The following PCNX2 variants were observed in gnomAD, a reference collection of about 807,000 sequenced individuals.
PCNX2 encodes the protein pecanex 2, also known as pecanex-like protein 2.
Under a neutral mutation model 223.8 loss-of-function variants are expected in PCNX2, and 168 were observed. That is an observed-to-expected ratio of 0.75 (90% CI 0.66 to 0.85). PCNX2 has a LOEUF of 0.85. Among genes scored for constraint, PCNX2 ranks in the 40% least tolerant of loss-of-function variants. The pLI is 0.00. For synonymous variants in PCNX2, 1,006 were observed against 1,052.6 expected (o/e 0.96, Z 0.86); for missense variants, 2,507 against 2,675.5 (o/e 0.94, Z 1.39).
At chr1:233,308,285 C>T in the PCNX2 span, among the ~76,000 whole-genome samples, 5 of 151,982 alleles carry the variant, frequency 3.3e-5, no homozygotes, top group Admixed American at 1.3e-4. Context: ...GACAAAATCC[C>T]GTCTCTTCTA....
At chr1:233,311,266 A>G in the PCNX2 span, among the ~76,000 whole-genome samples, 2 of 152,260 alleles carry the variant, frequency 1.3e-5, no homozygotes, top group South Asian at 4.1e-4. Flanking sequence ...TAAAAGAGCC[A>G]ACATTGCCTG....
chr1:233,099,456 A>G (rs1217029507), intron 21 of PCNX2, among the ~76,000 whole-genome samples: 4 of 152,172 alleles, frequency 2.6e-5, no homozygotes, highest in Non-Finnish European at 4.4e-5. Context: ...AAAATATGAT[A>G]CTACCCAAAA....
At chr1:233,142,714 A>T (rs952680953) in intron 19 of PCNX2, among the ~76,000 whole-genome samples, 2 of 152,086 alleles carry the variant, frequency 1.3e-5, no homozygotes, top group African/African-American at 4.8e-5. Flanking sequence ...CCTGACATGC[A>T]TGTGGCAGGA....
intron 19 of PCNX2, among the ~76,000 whole-genome samples, chr1:233,155,411 A>G (rs1334397017): frequency 6.6e-6 from 1 of 152,212 alleles, no homozygotes; most frequent in Non-Finnish European, 1.5e-5. Context: ...AGTCATTCCT[A>G]CGTCACTGGT....
chr1:233,275,178 T>C (rs1660844650), intron 1 of PCNX2, among the ~76,000 whole-genome samples: 1 of 152,200 alleles, frequency 6.6e-6, no homozygotes, highest in Non-Finnish European at 1.5e-5. Context: ...CTGAGACCAC[T>C]AGGATTAATG....
chr1:233,322,382 G>A, the PCNX2 span, among the ~76,000 whole-genome samples: 29 of 152,170 alleles, frequency 1.9e-4, no homozygotes, highest in South Asian at 1.7e-3. Context: ...AGATTTGGGG[G>A]GTTAAAAATA....
intron 12 of PCNX2, among the ~76,000 whole-genome samples, chr1:233,215,511 A>G (rs1041317166): frequency 6.6e-5 from 10 of 152,256 alleles, no homozygotes; most frequent in African/African-American, 2.2e-4. Flanking sequence ...GAGCAGTGGC[A>G]TACGGGCCAT....
At chr1:233,102,368 C>T (rs1179603107) in intron 21 of PCNX2, among the ~76,000 whole-genome samples, 1 of 151,966 alleles carries the variant, frequency 6.6e-6, no homozygotes, top group African/African-American at 2.4e-5. Context: ...TTTAATATGG[C>T]GATTTCTTTT....
At position 233,237,091 on chromosome 1, in the gene PCNX2, G is replaced by C. The variant is rs963023359; in HGVS notation, c.2223-111C>G. The C allele has an allele frequency of 4.4e-6, 6 of 1,362,692 alleles. No homozygotes were observed. The African/African-American group carries it at 7.2e-5, about 16-fold the overall frequency. The allele number at this position is 1,362,692 out of a possible 1,614,324, so 84.4% of individuals were successfully genotyped here. ...AATGCCCAAAGCAGGTAGTGGATGAGACTTTACAACCTTACATAAACAGTT... is the reference window on the plus strand; with the variant it reads ...AATGCCCAAAGCAGGTAGTGGATGACACTTTACAACCTTACATAAACAGTT... On this transcript the variant is annotated intron_variant, in intron 8 of 33. Transcript: ENST00000258229.
chr1:233,050,081 C>T (rs1462911485), intron 25 of PCNX2, among the ~76,000 whole-genome samples: 1 of 151,890 alleles, frequency 6.6e-6, no homozygotes, highest in Non-Finnish European at 1.5e-5. Context: ...CACACTGGGG[C>T]CTGTCATGGG....
chr1:233,165,533 T>C (rs1341413537), intron 17 of PCNX2, among the ~76,000 whole-genome samples: 1 of 152,202 alleles, frequency 6.6e-6, no homozygotes, highest in Non-Finnish European at 1.5e-5. Context: ...TGGAGTGGTA[T>C]CTAATTGTGG....
At chr1:233,175,008 G>T (rs1474775939) in intron 17 of PCNX2, among the ~76,000 whole-genome samples, 6 of 152,126 alleles carry the variant, frequency 3.9e-5, no homozygotes, top group Admixed American at 3.9e-4. Context: ...CCCCTCACAG[G>T]CCAGATGAAT....
intron 23 of PCNX2, among the ~76,000 whole-genome samples, chr1:233,080,491 G>T (rs945415151): frequency 6.6e-6 from 1 of 151,904 alleles, no homozygotes; most frequent in Non-Finnish European, 1.5e-5. Flanking sequence ...AAACCAGGTG[G>T]CTTATAAACA....
Position 233,259,332 on chromosome 1 carries a change from AATAGAATG to A in PCNX2, c.522_529del (p.Ile175ArgfsTer50). ...CACTGGTGCTATGGGATGGTCTTCT[AATAGAATG>A]ACACCTGAAATGACACATGGCAACT... is the stretch of plus-strand genomic sequence containing the variant. On this transcript the variant is annotated frameshift_variant, in exon 5 of 34. Transcript: ENST00000258229. LOFTEE classifies it high-confidence loss of function. The A allele has an allele frequency of 6.2e-7, 1 of 1,610,486 alleles. No homozygotes were observed. The highest frequency in any genetic ancestry group is 8.5e-7 in the Non-Finnish European group (1 of 1,177,734).
At chr1:233,130,075 G>A (rs1676378861) in intron 21 of PCNX2, among the ~76,000 whole-genome samples, 2 of 151,936 alleles carry the variant, frequency 1.3e-5, no homozygotes, top group African/African-American at 2.4e-5. Context: ...CTCCAGACAC[G>A]CTGCCTTAAG....
At chr1:233,260,219 C>G (rs1659976435) in intron 4 of PCNX2, among the ~76,000 whole-genome samples, 1 of 152,180 alleles carries the variant, frequency 6.6e-6, no homozygotes, top group East Asian at 1.9e-4. Flanking sequence ...TTAAATGCTA[C>G]CTGTACATTT....
intron 8 of PCNX2, among the ~76,000 whole-genome samples, chr1:233,237,337 T>C (rs898290272): frequency 1.4e-4 from 21 of 152,176 alleles, no homozygotes; most frequent in Admixed American, 7.9e-4. Flanking sequence ...AAACAAATAG[T>C]GGGCTTGATA....
chr1:233,096,321 T>C lies in PCNX2; in HGVS notation c.3838-458A>G, dbSNP rs556536367. Among the ~76,000 whole-genome samples, 6 of 152,304 alleles carry C rather than the reference T, an allele frequency of 3.9e-5. No homozygotes were observed. In the South Asian group the frequency reaches 8.3e-4, roughly 21 times the overall value. ...TTGAAATGCAAGTTACAAAGTACTT[T>C]AGAAAGCTAAGACAGGATATGAAGC... On this transcript the variant is annotated intron_variant, in intron 21 of 33. Coordinates refer to ENST00000258229, the MANE Select transcript of PCNX2 (RefSeq NM_014801.4).
intron 1 of PCNX2, among the ~76,000 whole-genome samples, chr1:233,265,158 T>C (rs1660261656): frequency 6.6e-6 from 1 of 151,652 alleles, no homozygotes; most frequent in Admixed American, 6.6e-5. Context: ...TGGGAGGACC[T>C]CTTGAGCCTA....
Sources: allele counts gnomAD v4.1 joint callset (sites outside exome capture counted in the v4.1 genomes callset), GRCh38; gene constraint gnomAD v4.1.1; transcripts MANE v1.5; gene names NCBI Gene and HGNC (gene_info 2026-07-23, HGNC 2026-07-21).